LITAF: variants seen among roughly 807,000 people sequenced by gnomAD.
LITAF encodes the protein lipopolysaccharide induced TNF factor, also known as lipopolysaccharide-induced tumor necrosis factor-alpha factor.
LITAF carries 9 observed loss-of-function variants against 14.5 expected under a neutral mutation model. The observed-to-expected ratio is 0.62, with a 90% CI of 0.37 to 1.08. The LOEUF is 1.08. Among genes scored for constraint, LITAF ranks in the 50% least tolerant of loss-of-function variants. LITAF has a pLI of 0.01. For missense variants in LITAF, 206 were observed against 213.4 expected (o/e 0.97, Z 0.22); for synonymous variants, 98 against 88.2 (o/e 1.11, Z -0.62).
Position 11,553,765 on chromosome 16 carries a change from G to T in LITAF, c.221-76C>A, listed in dbSNP as rs1452705412. 2 of 1,489,316 alleles carry T rather than the reference G, an allele frequency of 1.3e-6. No homozygotes were observed. The highest frequency in any genetic ancestry group is 1.9e-6 in the Non-Finnish European group (2 of 1,071,296). 92.3% of individuals were successfully genotyped at this position (1,489,316 alleles called of 1,614,324 possible). On this transcript the variant is annotated intron_variant, in intron 2 of 3. Transcript: ENST00000622633. This position sits in a 1 kb window ranked among gnomAD's most constrained non-coding sequence, Gnocchi z 7.7. ...TAGCATTCACTACAGGACAAAGAGA[G>T]GAACGCAGGGATGCCAGCAAATATT...
chr16:11,639,280 G>A (rs1298144144), upstream of LITAF, among the ~76,000 whole-genome samples: 1 of 151,948 alleles, frequency 6.6e-6, no homozygotes, highest in African/African-American at 2.4e-5. Flanking sequence ...TGGATAAATG[G>A]ATGGATGGGT....
chr16:11,576,127 G>A (rs367886864), intron 1 of LITAF, among the ~76,000 whole-genome samples: 5 of 152,214 alleles, frequency 3.3e-5, no homozygotes, highest in East Asian at 3.9e-4. Flanking sequence ...CTCCCAAAGC[G>A]TTGGGATTAC....
At chr16:11,587,273 C>T (rs1465746822), upstream of LITAF, 2 of 416,178 alleles carry the variant, frequency 4.8e-6, no homozygotes, top group Non-Finnish European at 9.6e-6. Context: ...TTGCCGCTCG[C>T]GGCTCTCCCC....
upstream of LITAF, among the ~76,000 whole-genome samples, chr16:11,640,180 C>T (rs1037930136): frequency 5.9e-5 from 9 of 152,166 alleles, no homozygotes; most frequent in Admixed American, 2.0e-4. Flanking sequence ...CGGCTGGATC[C>T]GCAGGGCTGA....
At chr16:11,565,945 G>C (rs551483452) in intron 1 of LITAF, among the ~76,000 whole-genome samples, 13 of 151,974 alleles carry the variant, frequency 8.6e-5, no homozygotes, top group Admixed American at 8.5e-4. Context: ...GACCCCCTGG[G>C]TTCCTCCAGG....
chr16:11,551,683 TTAGC>T, intron 3 of LITAF: 1 of 631,110 alleles, frequency 1.6e-6, no homozygotes, highest in Non-Finnish European at 2.8e-6. Context: ...AATTTAAAAA[TTAGC>T]TAGGTATGGT....
At chr16:11,633,089 T>C (rs1416457837) in intron 3 of LITAF, among the ~76,000 whole-genome samples, 1 of 152,132 alleles carries the variant, frequency 6.6e-6, no homozygotes, top group East Asian at 1.9e-4. Flanking sequence ...TACACATAAG[T>C]GCATCCCCCA....
rs145182458 is a variant in LITAF at position 11,632,471 on chromosome 16, G to C, written c.85+1062C>G. Among the ~76,000 whole-genome samples the C allele has an allele frequency of 2.2e-3, 331 of 152,244 alleles. 2 individuals carry two copies. Among genetic ancestry groups the C allele is most frequent in the Non-Finnish European group, 1.7e-3 (118 of 68,012 alleles). Reference sequence around the variant, plus strand: ...GGAAACCCTGTTGACAAAGGAGGAAGCAACCCAGGGAAGCTCCCGCAGGTC... The same window carrying C: ...GGAAACCCTGTTGACAAAGGAGGAACCAACCCAGGGAAGCTCCCGCAGGTC... On this transcript the variant is annotated intron_variant, in intron 3 of 3. Transcript: ENST00000574848. The surrounding 1 kb of genome is among the most constrained non-coding windows in gnomAD (Gnocchi z 4.8).
rs955696612 is a variant in LITAF at position 11,632,818 on chromosome 16, C to G, written c.85+715G>C. On this transcript the variant is annotated intron_variant, in intron 3 of 3. Transcript: ENST00000574848. This position sits in a 1 kb window ranked among gnomAD's most constrained non-coding sequence, Gnocchi z 4.8. ...GGTCAGAGTTTTCCGTGTGCCGCCTCCTCGTCCTTCTTCTTCTGCCGAATG... is the reference window on the plus strand; with the variant it reads ...GGTCAGAGTTTTCCGTGTGCCGCCTGCTCGTCCTTCTTCTTCTGCCGAATG... Among the ~76,000 whole-genome samples the G allele has an allele frequency of 4.0e-5, 6 of 151,744 alleles. No homozygotes were observed. Among genetic ancestry groups the G allele is most frequent in the Non-Finnish European group, 8.8e-5 (6 of 68,034 alleles).
intron 1 of LITAF, among the ~76,000 whole-genome samples, chr16:11,566,929 G>A (rs1413790518): frequency 1.3e-5 from 2 of 152,168 alleles, no homozygotes; most frequent in African/African-American, 4.8e-5. Context: ...CATATAGATG[G>A]TCTCACAGTT....
At chr16:11,593,992 C>T (rs2064865349) in intron 1 of LITAF, among the ~76,000 whole-genome samples, 1 of 151,960 alleles carries the variant, frequency 6.6e-6, no homozygotes, top group Non-Finnish European at 1.5e-5. Flanking sequence ...GCCTGGGTAC[C>T]ATGGTGAAAC....
At position 11,549,985 on chromosome 16, in the gene LITAF, A is replaced by G. The variant is rs2064160025; in HGVS notation, c.378-240T>C. Among the ~76,000 whole-genome samples the G allele has an allele frequency of 6.6e-6, 1 of 152,234 alleles. No homozygotes were observed. The highest frequency in any genetic ancestry group is 2.4e-5 in the African/African-American group (1 of 41,476). On this transcript the variant is annotated intron_variant, in intron 3 of 3. Coordinates refer to ENST00000622633, the MANE Select transcript of LITAF (RefSeq NM_001136472.2). The surrounding 1 kb of genome is among the most constrained non-coding windows in gnomAD (Gnocchi z 4.6). ...CAGAAGGAAATGTGAAGACAGAGGC[A>G]GAAGCTGGAGTGATGAGGCCATAAG...
upstream of LITAF, among the ~76,000 whole-genome samples, chr16:11,638,117 T>TCTATATAGATAGATATATATAGATAG (rs1555475731): frequency 9.8e-4 from 68 of 69,496 alleles, 2 homozygotes; most frequent in Middle Eastern, 5.6e-3. Flanking sequence ...TATCTATCTA[T>TCTATATAGATAGATATATATAGATAG]ATAGATAGAT....
In LITAF at chr16:11,558,255, C is replaced by T. The variant is rs947904754; in HGVS notation, c.-5-1520G>A. 8.5e-5 allele frequency among the ~76,000 whole-genome samples: 13 copies of T among 152,092 alleles called. No homozygotes were observed. The highest frequency in any genetic ancestry group is 2.0e-4 in the Admixed American group (3 of 15,262). On this transcript the variant is annotated intron_variant, in intron 1 of 3. Coordinates refer to ENST00000622633, the MANE Select transcript of LITAF (RefSeq NM_001136472.2). The surrounding 1 kb of genome is among the most constrained non-coding windows in gnomAD (Gnocchi z 4.1). ...AAAGAGGAGACTTCTCTGGAGGAAC[C>T]GAAGAAAGGGTATTCACCTCAAAGT...
upstream of LITAF, among the ~76,000 whole-genome samples, chr16:11,637,337 C>T (rs2065142049): frequency 1.3e-5 from 2 of 152,232 alleles, no homozygotes; most frequent in African/African-American, 4.8e-5. Context: ...AATGGAGCCA[C>T]AGTAGAGTGG....
chr16:11,601,935 G>T (rs1421411849), upstream of LITAF, among the ~76,000 whole-genome samples: 1 of 152,168 alleles, frequency 6.6e-6, no homozygotes, highest in African/African-American at 2.4e-5. Flanking sequence ...TAGATGGGAT[G>T]TTCTTGCTCC....
chr16:11,610,671 T>C lies in LITAF; in HGVS notation c.85+22862A>G, dbSNP rs190845934. On this transcript the variant is annotated intron_variant, in intron 3 of 3. Coordinates refer to the LITAF transcript ENST00000574848. ...AAAAACCATCGCCCAGTGGTCATAA[T>C]CTAGAAGTGGAAACAGGGTTGCTGT... Among the ~76,000 whole-genome samples the C allele has an allele frequency of 1.5e-4, 23 of 152,284 alleles. No homozygotes were observed. The East Asian group carries it at 4.4e-3, about 29-fold the overall frequency.
chr16:11,621,965 G>A (rs2065053815), intron 3 of LITAF, among the ~76,000 whole-genome samples: 1 of 152,168 alleles, frequency 6.6e-6, no homozygotes, highest in African/African-American at 2.4e-5. Flanking sequence ...AAGATCCAAA[G>A]TTTCTCGTGA....
intron 3 of LITAF, chr16:11,629,279 C>T (rs2065104253): frequency 6.6e-6 from 1 of 152,342 alleles, no homozygotes. Flanking sequence ...CAGACATGAC[C>T]TCATCCTAGT....
Sources: allele counts gnomAD v4.1 joint callset (sites outside exome capture counted in the v4.1 genomes callset), GRCh38; gene constraint gnomAD v4.1.1; non-coding constraint Gnocchi (gnomAD v3.1); transcripts MANE v1.5; gene names NCBI Gene and HGNC (gene_info 2026-07-23, HGNC 2026-07-21).